The following TENT5C variants were observed in gnomAD, a reference collection of about 807,000 sequenced individuals.
The protein encoded by TENT5C is terminal nucleotidyltransferase 5C.
TENT5C carries 5 observed loss-of-function variants against 22.2 expected under a neutral mutation model. The ratio of observed to expected loss-of-function variants is 0.22; its 90% CI spans 0.12 to 0.47. The LOEUF (loss-of-function observed/expected upper bound fraction) is 0.47, where lower values mean the gene tolerates loss of function less well. Among genes scored for constraint, TENT5C ranks in the 20% least tolerant of loss-of-function variants. The pLI, the probability that TENT5C is intolerant of heterozygous loss-of-function variation, is 0.99. For missense variants in TENT5C, 364 were observed against 500.9 expected (o/e 0.73, Z 2.61); for synonymous variants, 199 against 195.4 (o/e 1.02, Z -0.15).
chr1:117,608,661 A>G (rs1478148073), intron 1 of TENT5C, among the ~76,000 whole-genome samples: 4 of 152,130 alleles, frequency 2.6e-5, no homozygotes, highest in Non-Finnish European at 5.9e-5. Flanking sequence ...GCTCAAGTAC[A>G]TAGGACCTTG....
At chr1:117,619,690 T>A (rs2101077914) in intron 1 of TENT5C, among the ~76,000 whole-genome samples, 1 of 150,298 alleles carries the variant, frequency 6.7e-6, no homozygotes, top group Non-Finnish European at 1.5e-5. Context: ...ATCTGTCCAA[T>A]CTAGATCTTA....
chr1:117,626,942 C>T lies in TENT5C; in HGVS notation c.*2898C>T, dbSNP rs534666405. ...TTCCTCTCACATTGGCAGAATAGCA[C>T]GCACTAGATGCCTGACCTTGAGCTC... On this transcript the variant is annotated 3_prime_UTR_variant, in exon 2 of 2. Coordinates refer to ENST00000369448, the MANE Select transcript of TENT5C (RefSeq NM_017709.4). 2.0e-3 allele frequency: 501 copies of T among 248,160 alleles called. 2 individuals carry two copies. The highest frequency in any genetic ancestry group is 7.7e-3 in the African/African-American group (350 of 45,472). 15.4% of individuals were successfully genotyped at this position (248,160 alleles called of 1,614,324 possible).
chr1:117,609,457 G>C (rs1180834675), intron 1 of TENT5C, among the ~76,000 whole-genome samples: 1 of 152,014 alleles, frequency 6.6e-6, no homozygotes, highest in African/African-American at 2.4e-5. Context: ...TTTAGTGTCG[G>C]AGCTTGAGAC....
chr1:117,626,855 C>G lies in TENT5C; in HGVS notation c.*2811C>G. ...CTGATGCTTTCGGCATGTCTGCAGCCTGTTCTCCTAGCCTGCTGCTTGGAG... is the reference window on the plus strand; with the variant it reads ...CTGATGCTTTCGGCATGTCTGCAGCGTGTTCTCCTAGCCTGCTGCTTGGAG... On this transcript the variant is annotated 3_prime_UTR_variant, in exon 2 of 2. Transcript: ENST00000369448. 4.0e-6 allele frequency: 1 copy of G among 248,180 alleles called. No individual in the cohort carries two copies. The highest frequency in any genetic ancestry group is 8.5e-6 in the Non-Finnish European group (1 of 118,140). The allele number at this position is 248,180 out of a possible 1,614,324, so 15.4% of individuals were successfully genotyped here.
Position 117,614,426 on chromosome 1 carries a change from G to T in TENT5C, c.-28+8273G>T, listed in dbSNP as rs1351843149. Among the ~76,000 whole-genome samples, 4 of 152,204 alleles carry T rather than the reference G, an allele frequency of 2.6e-5. No homozygotes were observed. The East Asian group carries it at 7.7e-4, about 29-fold the overall frequency. On this transcript the variant is annotated intron_variant, in intron 1 of 1. Transcript: ENST00000369448. ...AATCTCAAGGGTCAAACTACATGCA[G>T]GTGGGGGAAGTGACGGTGTCCAGTC...
intron 1 of TENT5C, among the ~76,000 whole-genome samples, chr1:117,612,470 T>C (rs1205050327): frequency 2.0e-5 from 3 of 152,164 alleles, no homozygotes; most frequent in African/African-American, 7.2e-5. Flanking sequence ...CAATTAAGTT[T>C]TATCAACAAT....
chr1:117,615,722 T>C (rs777800290), intron 1 of TENT5C, among the ~76,000 whole-genome samples: 5 of 152,252 alleles, frequency 3.3e-5, no homozygotes, highest in Non-Finnish European at 7.3e-5. Context: ...AAGTGGGATT[T>C]CCCACACACT....
At chr1:117,618,602 G>C (rs1048692988) in intron 1 of TENT5C, among the ~76,000 whole-genome samples, 1 of 152,022 alleles carries the variant, frequency 6.6e-6, no homozygotes, top group African/African-American at 2.4e-5. Flanking sequence ...GAGAGGAGGG[G>C]TGGGAAGGAA....
chr1:117,618,604 G>A (rs574797127), intron 1 of TENT5C, among the ~76,000 whole-genome samples: 1 of 152,088 alleles, frequency 6.6e-6, no homozygotes, highest in South Asian at 2.1e-4. Context: ...GAGGAGGGGT[G>A]GGAAGGAAAA....
At chr1:117,622,702 C>G in intron 1 of TENT5C, 140 bp from the exon 2 acceptor site, 1 of 622,564 alleles carries the variant, frequency 1.6e-6, no homozygotes, top group South Asian at 2.1e-5. Flanking sequence ...TCATTGAGTC[C>G]TCATGGCAAC....
intron 1 of TENT5C, among the ~76,000 whole-genome samples, chr1:117,607,944 AC>A (rs1277977283): frequency 6.6e-6 from 1 of 152,138 alleles, no homozygotes; most frequent in Non-Finnish European, 1.5e-5. Flanking sequence ...CAGATAATGA[AC>A]TTTTTCTCTT....
Position 117,625,228 on chromosome 1 carries a change from C to T in TENT5C, c.*1184C>T, listed in dbSNP as rs979794118. ...GCTTTAGAATCTAACCTGCTGTCTTCGTGCTCTGTGTGAAGGGGAAGCTGG... is the reference window on the plus strand; with the variant it reads ...GCTTTAGAATCTAACCTGCTGTCTTTGTGCTCTGTGTGAAGGGGAAGCTGG... On this transcript the variant is annotated 3_prime_UTR_variant, in exon 2 of 2. Transcript: ENST00000369448. 3 of 247,758 alleles carry T rather than the reference C, an allele frequency of 1.2e-5. No individual in the cohort carries two copies. Among genetic ancestry groups the T allele is most frequent in the Non-Finnish European group, 2.5e-5 (3 of 118,082 alleles). 15.3% of individuals were successfully genotyped at this position (247,758 alleles called of 1,614,324 possible). A position where few individuals can be genotyped will look rare whatever the true frequency, so the allele number is the denominator to read the frequency against.
chr1:117,609,234 G>C (rs1653612169), intron 1 of TENT5C, among the ~76,000 whole-genome samples: 8 of 152,178 alleles, frequency 5.3e-5, no homozygotes, highest in Admixed American at 5.2e-4. Context: ...GCATAAAGAG[G>C]CTTGCATTTG....
intron 1 of TENT5C, among the ~76,000 whole-genome samples, chr1:117,609,289 G>A (rs1393001070): frequency 6.6e-6 from 1 of 152,178 alleles, no homozygotes; most frequent in Non-Finnish European, 1.5e-5. Context: ...AGTTCAACTA[G>A]GTAAGGAAGC....
intron 1 of TENT5C, among the ~76,000 whole-genome samples, chr1:117,614,665 CA>C (rs774139864): frequency 1.5e-4 from 23 of 152,218 alleles, no homozygotes; most frequent in Non-Finnish European, 3.1e-4. Flanking sequence ...GTTGCTTCAT[CA>C]GCCTATCAAC....
Position 117,623,458 on chromosome 1 carries a change from G to C in TENT5C, c.590G>C (p.Cys197Ser). 1 of 1,614,046 alleles carries C rather than the reference G, an allele frequency of 6.2e-7. No homozygotes were observed. The highest frequency in any genetic ancestry group is 1.3e-5 in the African/African-American group (1 of 74,992). The change falls in exon 2 of 2, where the codon TGT becomes TCT. Residue 197 changes from cysteine to serine, a missense_variant. Transcript: ENST00000369448. ...ILDSLLFFYD[C>S]SNNPISEHFH... is the part of the protein sequence containing the mutation. ...GATTCTTTGCTTTTCTTCTATGACTGTTCCAATAATCCCATCTCTGAGCAC... is the reference window on the plus strand; with the variant it reads ...GATTCTTTGCTTTTCTTCTATGACTCTTCCAATAATCCCATCTCTGAGCAC...
chr1:117,618,870 A>ACAGTTTTGCTGTTAG (rs1653839851), intron 1 of TENT5C, among the ~76,000 whole-genome samples: 1 of 152,194 alleles, frequency 6.6e-6, no homozygotes, highest in Non-Finnish European at 1.5e-5. Flanking sequence ...ACAGACTTTA[A>ACAGTTTTGCTGTTAG]CAGTTTTGCT....
chr1:117,610,659 C>A lies in TENT5C; in HGVS notation c.-28+4506C>A, dbSNP rs576174316. Reference sequence around the variant, plus strand: ...CCTCCTACCTCAGCCTCCTGAATAGCTGGGACTACAGGTGCACACCACCAC... The same window carrying A: ...CCTCCTACCTCAGCCTCCTGAATAGATGGGACTACAGGTGCACACCACCAC... On this transcript the variant is annotated intron_variant, in intron 1 of 1. Transcript: ENST00000369448. 2.0e-5 allele frequency among the ~76,000 whole-genome samples: 3 copies of A among 152,324 alleles called. No homozygotes were observed. In the South Asian group the frequency reaches 6.2e-4, roughly 32 times the overall value.
rs4026613 is a variant in TENT5C at position 117,624,164 on chromosome 1, CTTTTTTT to C, written c.*130_*136del. ...AAAGGGGAACTCAGCTCTGATTCTG[CTTTTTTT>C]TTTTTTTTTCCTTTGTGTACCCATT... On this transcript the variant is annotated 3_prime_UTR_variant, in exon 2 of 2. Transcript: ENST00000369448. The C allele has an allele frequency of 2.5e-5, 16 of 628,472 alleles. No homozygotes were observed. Among genetic ancestry groups the C allele is most frequent in the Non-Finnish European group, 4.0e-5 (15 of 379,240 alleles). 38.9% of individuals were successfully genotyped at this position (628,472 alleles called of 1,614,324 possible).
Sources: gnomAD v4.1 joint callset for allele counts (sites outside exome capture counted in the v4.1 genomes callset) on GRCh38, gnomAD v4.1.1 for gene constraint, MANE v1.5 for transcripts, NCBI Gene and HGNC (gene_info 2026-07-23, HGNC 2026-07-21) for gene names.